CCDC183: variants seen among roughly 807,000 people sequenced by gnomAD.
CCDC183 encodes the protein coiled-coil domain-containing protein 183.
In CCDC183, 63 loss-of-function variants were observed where a neutral mutation model predicts 65.2. The ratio of observed to expected loss-of-function variants is 0.97; its 90% CI spans 0.79 to 1.19. CCDC183 has a LOEUF of 1.19. Among genes scored for constraint, CCDC183 ranks in the 50% most tolerant of loss-of-function variants. CCDC183 has a pLI of 0.00. For missense variants in CCDC183, 769 were observed against 689.3 expected (o/e 1.12, Z -1.30); for synonymous variants, 323 against 276.5 (o/e 1.17, Z -1.67).
intron 8 of CCDC183, chr9:136,805,077 AC>A: frequency 1.7e-6 from 1 of 589,686 alleles, no homozygotes; most frequent in Non-Finnish European, 3.0e-6. Flanking sequence ...GAGCATCCTG[AC>A]CCCTAAGCTG....
At position 136,806,089 on chromosome 9, in the gene CCDC183, C is replaced by T. The variant is rs775651569; in HGVS notation, c.960C>T (p.Ser320=). ...VRCSHVWDIT[S]RFLAQRNTEE... is the part of the protein sequence containing the mutation. The stretch of plus-strand genomic sequence containing the variant: ...CCCGGACTGGCCAGGACATCACTAG[C>T]CGCTTCCTGGCCCAGAGGAACACGG... The change falls in exon 10 of 14, where the codon AGC becomes AGT. Residue 320 remains serine, a synonymous_variant. Transcript: ENST00000338005. 1 of 1,550,438 alleles carries T rather than the reference C, an allele frequency of 6.4e-7. No individual in the cohort carries two copies. The highest frequency in any genetic ancestry group is 1.2e-5 in the South Asian group (1 of 84,046).
chr9:136,799,240 C>G lies in CCDC183; in HGVS notation c.192+17C>G, dbSNP rs773379034. On this transcript the variant is annotated intron_variant, in intron 2 of 13. Transcript: ENST00000338005. ...GCCAAGAAGGTACACAAACGCCGCC[C>G]CTCCCCTCTGCCTGGCGAGCAGGGC... is the stretch of plus-strand genomic sequence containing the variant. 1 of 1,583,188 alleles carries G rather than the reference C, an allele frequency of 6.3e-7. No individual in the cohort carries two copies. The highest frequency in any genetic ancestry group is 1.8e-5 in the Admixed American group (1 of 56,484).
intron 4 of CCDC183, 74 bp from the exon 5 acceptor site, chr9:136,800,315 G>A: frequency 6.7e-7 from 1 of 1,492,956 alleles, no homozygotes; most frequent in African/African-American, 1.4e-5. Context: ...ACCCTCTCCG[G>A]AGAAAACCCA....
rs544503929 is a variant in CCDC183 at position 136,800,002 on chromosome 9, G to GAAGA, written c.271_272insAAGA (p.Val91GlufsTer100). 3.1e-3 allele frequency: 4,947 copies of GAAGA among 1,586,280 alleles called. 19 individuals are homozygous for GAAGA. The highest frequency in any genetic ancestry group is 3.1e-3 in the Non-Finnish European group (3,673 of 1,167,170). ...GTGGGCGGTGCCCTTCCCGACCCAG[G>GAAGA]TGGTGCGGGAGAAGCTGCGCAAGTA... On this transcript the variant is annotated frameshift_variant and splice_region_variant, in exon 4 of 14. Coordinates refer to ENST00000338005, the MANE Select transcript of CCDC183 (RefSeq NM_001039374.5). LOFTEE classifies it high-confidence loss of function.
At chr9:136,807,450 TG>T in intron 13 of CCDC183, 121 bp from the exon 14 acceptor site, 2 of 1,263,496 alleles carry the variant, frequency 1.6e-6, no homozygotes, top group Non-Finnish European at 2.1e-6. Context: ...CCCGGCACGC[TG>T]GGGCTGTCCC....
At chr9:136,798,747 G>T (rs937223583) in intron 1 of CCDC183, among the ~76,000 whole-genome samples, 1 of 152,192 alleles carries the variant, frequency 6.6e-6, no homozygotes, top group Non-Finnish European at 1.5e-5. Context: ...AAGGAGACGT[G>T]AGCATAAGAG....
At chr9:136,800,577 C>T (rs1256429802) in intron 5 of CCDC183, 84 bp downstream of exon 5, 2 of 1,003,220 alleles carry the variant, frequency 2.0e-6, no homozygotes, top group Admixed American at 2.2e-5. Context: ...AGCCGCCCCG[C>T]ACCCGCCAGG....
In CCDC183 at chr9:136,805,802, G is replaced by C. The variant is rs1417432184; in HGVS notation, c.949-276G>C. Among the ~76,000 whole-genome samples the C allele has an allele frequency of 2.0e-5, 3 of 152,100 alleles. No homozygotes were observed. The East Asian group carries it at 5.8e-4, about 29-fold the overall frequency. On this transcript the variant is annotated intron_variant, in intron 9 of 13. Coordinates refer to ENST00000338005, the MANE Select transcript of CCDC183 (RefSeq NM_001039374.5). ...ATGGGGTTATCTACCCTCTCTGCCT[G>C]CCATTAGGGTCGTGTGCAATGACAT...
At position 136,806,655 on chromosome 9, in the gene CCDC183, A is replaced by G. The variant is rs1444909249; in HGVS notation, c.1261A>G (p.Asn421Asp). The G allele has an allele frequency of 6.2e-7, 1 of 1,613,558 alleles. No homozygotes were observed. The highest frequency in any genetic ancestry group is 1.7e-5 in the Admixed American group (1 of 60,024). ...DNLYVRLMGI[N>D]LPATQREVVL... ...CCTCTATGTCCGGCTGATGGGCATTAACTTGCCTGCGACCCAGGTACCGGG... is the reference window on the plus strand; with the variant it reads ...CCTCTATGTCCGGCTGATGGGCATTGACTTGCCTGCGACCCAGGTACCGGG... The change falls in exon 11 of 14, where the codon AAC (asparagine) becomes GAC (aspartate). Residue 421 changes from asparagine to aspartate, a missense_variant. Transcript: ENST00000338005.
chr9:136,806,701 C>T (rs994957261), intron 11 of CCDC183, 29 bp downstream of exon 11: 14 of 1,613,272 alleles, frequency 8.7e-6, no homozygotes, highest in Middle Eastern at 1.6e-4. Flanking sequence ...AGCTGCCACA[C>T]ACCAGGTCCC....
intron 1 of CCDC183, 148 bp from the exon 2 acceptor site, chr9:136,798,954 A>G: frequency 9.6e-7 from 1 of 1,039,580 alleles, no homozygotes; most frequent in Non-Finnish European, 1.4e-6. Flanking sequence ...CCCCCAGGAC[A>G]GGGCGGGAGG....
intron 3 of CCDC183, 94 bp from the exon 4 acceptor site, chr9:136,799,907 TG>T: frequency 6.6e-7 from 1 of 1,516,360 alleles, no homozygotes; most frequent in Non-Finnish European, 8.9e-7. Context: ...AGGTTCCCTG[TG>T]GGGTTGCCAC....
rs1222708516 is a variant in CCDC183, at chr9:136,806,607, A to C, written c.1213A>C (p.Thr405Pro). The change falls in exon 11 of 14, where the codon ACC becomes CCC. Residue 405 changes from threonine to proline, a missense_variant. Coordinates refer to ENST00000338005, the MANE Select transcript of CCDC183 (RefSeq NM_001039374.5). Reference sequence around the variant, plus strand: ...GACCAAGGGCCAGGAGCTGCTGCTGACCATCCAGATGGGCATCGACAACCT... The same window carrying C: ...GACCAAGGGCCAGGAGCTGCTGCTGCCCATCCAGATGGGCATCGACAACCT... Reference protein sequence around the residue: ...NMTKGQELLLTIQMGIDNLYV... With the variant: ...NMTKGQELLLPIQMGIDNLYV... The C allele has an allele frequency of 6.2e-7, 1 of 1,613,728 alleles. No individual in the cohort carries two copies. The highest frequency in any genetic ancestry group is 2.2e-5 in the East Asian group (1 of 44,890).
At chr9:136,799,824 C>T (rs4442241) in intron 3 of CCDC183, 34 bp downstream of exon 3, 287,687 of 1,578,040 alleles carry the variant, frequency 0.18, 27,426 homozygotes, top group Middle Eastern at 0.24. Flanking sequence ...AGACCCAACC[C>T]TCCCCACCCC....
In CCDC183 at chr9:136,800,117, A is replaced by G. The variant is rs7859194; in HGVS notation, c.386A>G (p.Asp129Gly). ...QKLESMQLEL[D>G]SLRSQPDASK... ...CTGGAGAGCATGCAGCTGGAGCTGGACAGCCTGCGGAGCCAGCCCGACGCC... is the reference window on the plus strand; with the variant it reads ...CTGGAGAGCATGCAGCTGGAGCTGGGCAGCCTGCGGAGCCAGCCCGACGCC... The change falls in exon 4 of 14, where the codon GAC becomes GGC. Residue 129 changes from aspartate (D) to glycine (G), a missense_variant. By Grantham distance (94) the Asp-to-Gly change is moderately conservative. Transcript: ENST00000338005. 3 of 1,542,434 alleles carry G rather than the reference A, an allele frequency of 1.9e-6. No homozygotes were observed. In the Admixed American group the frequency reaches 5.9e-5, roughly 30 times the overall value.
chr9:136,798,776 C>A (rs937119707), intron 1 of CCDC183, among the ~76,000 whole-genome samples: 1 of 152,184 alleles, frequency 6.6e-6, no homozygotes, highest in Non-Finnish European at 1.5e-5. Context: ...GCCCCAAAGC[C>A]AGAATGGACA....
Position 136,804,702 on chromosome 9 carries a change from C to T in CCDC183, c.793-60C>T. 6.2e-7 allele frequency: 1 copy of T among 1,612,902 alleles called. No individual in the cohort carries two copies. Among genetic ancestry groups the T allele is most frequent in the Non-Finnish European group, 8.5e-7 (1 of 1,179,366 alleles). Reference sequence around the variant, plus strand: ...GGTGGACACAGGCTCAGGGCCACCACTCAGGGCCCACTCCCTGCCAAGGAT... The same window carrying T: ...GGTGGACACAGGCTCAGGGCCACCATTCAGGGCCCACTCCCTGCCAAGGAT... On this transcript the variant is annotated intron_variant, in intron 7 of 13. Transcript: ENST00000338005. The surrounding 1 kb of genome is among the most constrained non-coding windows in gnomAD (Gnocchi z 4.1).
intron 4 of CCDC183, 99 bp downstream of exon 4, chr9:136,800,268 G>A: frequency 7.0e-7 from 1 of 1,426,930 alleles, no homozygotes; most frequent in Non-Finnish European, 9.4e-7. Flanking sequence ...GGTCCCCTGG[G>A]GAGGGCTCAC....
rs776366172 is a variant in CCDC183 at position 136,807,654 on chromosome 9, G to C, written c.1569G>C (p.Glu523Asp). 2 of 1,604,804 alleles carry C rather than the reference G, an allele frequency of 1.2e-6. No individual in the cohort carries two copies. The highest frequency in any genetic ancestry group is 1.7e-6 in the Non-Finnish European group (2 of 1,176,116). The stretch of plus-strand genomic sequence containing the variant: ...AGAGGCAGGCGCAGCGGCTAATCGA[G>C]GGGAAGCTCAAGGCGGCCAAGAAAA... The part of the protein sequence containing the change: ...EIKRQAQRLI[E>D]GKLKAAKKKK... Residue 523 changes from glutamate (E) to aspartate (D), a missense_variant, in exon 14 of 14, where the codon GAG (glutamate) becomes GAC (aspartate). By Grantham distance (45) the Glu-to-Asp change is conservative. Transcript: ENST00000338005.
Sources: allele counts gnomAD v4.1 joint callset (sites outside exome capture counted in the v4.1 genomes callset), GRCh38; gene constraint gnomAD v4.1.1; non-coding constraint Gnocchi (gnomAD v3.1); transcripts MANE v1.5; gene names NCBI Gene and HGNC (gene_info 2026-07-23, HGNC 2026-07-21).